PARVA: variants seen among roughly 807,000 people sequenced by gnomAD.
PARVA encodes parvin alpha.
Under a neutral mutation model 52.6 loss-of-function variants are expected in PARVA, and 25 were observed. The ratio of observed to expected loss-of-function variants is 0.48; its 90% CI spans 0.35 to 0.66. PARVA has a LOEUF of 0.66. Among genes scored for constraint, PARVA ranks in the 30% least tolerant of loss-of-function variants. PARVA has a pLI of 0.01. For synonymous variants in PARVA, 185 were observed against 179.1 expected, an observed-to-expected ratio of 1.03 and a Z score of -0.26; for missense variants, 373 against 450.9, an observed-to-expected ratio of 0.83 and a Z score of 1.56.
chr11:12,496,445 T>G lies in PARVA; in HGVS notation c.401-13T>G, dbSNP rs1182192816. The G allele has an allele frequency of 6.2e-7, 1 of 1,603,686 alleles. No homozygotes were observed. Among genetic ancestry groups the G allele is most frequent in the African/African-American group, 1.3e-5 (1 of 74,752 alleles). On this transcript the variant is annotated splice_polypyrimidine_tract_variant and intron_variant, in intron 4 of 12. Transcript: ENST00000334956. ...AGCATAACAGCTGTTCTCTTTTCCC[T>G]TGTCACCCTCAGAGAAACTGGAGAG...
chr11:12,442,954 CG>C (rs1940488863), intron 1 of PARVA, among the ~76,000 whole-genome samples: 1 of 144,592 alleles, frequency 6.9e-6, no homozygotes, highest in South Asian at 2.3e-4. Flanking sequence ...TTCCGCCTCC[CG>C]GGTTCACGCC....
intron 4 of PARVA, among the ~76,000 whole-genome samples, chr11:12,484,345 A>G (rs1265941523): frequency 1.3e-5 from 2 of 152,218 alleles, no homozygotes; most frequent in Non-Finnish European, 2.9e-5. Flanking sequence ...TGCTGGGAAC[A>G]GAAAAGGCCT....
At chr11:12,422,529 A>G (rs1209530113) in intron 1 of PARVA, among the ~76,000 whole-genome samples, 1 of 152,186 alleles carries the variant, frequency 6.6e-6, no homozygotes, top group East Asian at 1.9e-4. Flanking sequence ...ATTGTGTTCA[A>G]GTAGGTAAAC....
intron 12 of PARVA, among the ~76,000 whole-genome samples, chr11:12,521,258 G>A (rs1941632930): frequency 6.6e-6 from 1 of 152,152 alleles, no homozygotes; most frequent in African/African-American, 2.4e-5. Context: ...CTTCATTTGG[G>A]GAAGACTTGG....
At chr11:12,497,767 T>C (rs979712567) in intron 5 of PARVA, among the ~76,000 whole-genome samples, 5 of 152,130 alleles carry the variant, frequency 3.3e-5, no homozygotes, top group African/African-American at 9.7e-5. Flanking sequence ...AATGCTAGTA[T>C]TGTCAATGGG....
At chr11:12,434,061 A>G (rs1026143079) in intron 1 of PARVA, among the ~76,000 whole-genome samples, 5 of 152,210 alleles carry the variant, frequency 3.3e-5, no homozygotes, top group Admixed American at 2.0e-4. Flanking sequence ...CTCAGGTCTG[A>G]GCACCGCGAG....
chr11:12,513,233 C>T (rs1471336031), intron 8 of PARVA, 66 bp from the exon 9 acceptor site: 5 of 1,447,872 alleles, frequency 3.5e-6, no homozygotes, highest in African/African-American at 2.8e-5. Context: ...GGCTCTGGGA[C>T]CCAAGGTGGG....
At chr11:12,376,501 C>G (rs1939389913), upstream of PARVA, among the ~76,000 whole-genome samples, 1 of 152,206 alleles carries the variant, frequency 6.6e-6, no homozygotes. Flanking sequence ...TCATCAGTCA[C>G]GAGCACAACT....
At position 12,535,179 on chromosome 11, in the gene PARVA, G is replaced by T. The variant is rs1941819317; in HGVS notation, c.*7254G>T. On this transcript the variant is annotated 3_prime_UTR_variant, in exon 13 of 13. Coordinates refer to ENST00000334956, the MANE Select transcript of PARVA (RefSeq NM_018222.5). ...TGTCCTCCTAGGCTGCATTGGAATT[G>T]TGTGTTGTCTAGACCCATGGCCAAG... 6.6e-6 allele frequency among the ~76,000 whole-genome samples: 1 copy of T among 152,222 alleles called. No homozygotes were observed. Among genetic ancestry groups the T allele is most frequent in the Non-Finnish European group, 1.5e-5 (1 of 68,046 alleles).
intron 1 of PARVA, among the ~76,000 whole-genome samples, chr11:12,430,545 G>C (rs746716751): frequency 3.9e-5 from 6 of 152,020 alleles, no homozygotes; most frequent in African/African-American, 7.2e-5. Flanking sequence ...CCCACACACA[G>C]AGGCTCCTTT....
chr11:12,457,683 A>G (rs1940716889), intron 1 of PARVA, among the ~76,000 whole-genome samples: 1 of 152,246 alleles, frequency 6.6e-6, no homozygotes, highest in Non-Finnish European at 1.5e-5. Flanking sequence ...TCATCCATTC[A>G]GTAAATATGT....
intron 1 of PARVA, among the ~76,000 whole-genome samples, chr11:12,421,873 G>A (rs1165436699): frequency 6.6e-6 from 1 of 152,196 alleles, no homozygotes; most frequent in Non-Finnish European, 1.5e-5. Context: ...GTTAAACTAA[G>A]TTCTAGAAAT....
chr11:12,484,207 A>G (rs975731951), intron 4 of PARVA, among the ~76,000 whole-genome samples: 5 of 152,180 alleles, frequency 3.3e-5, no homozygotes, highest in African/African-American at 1.2e-4. Context: ...ATACAACATA[A>G]TTCATCACTT....
chr11:12,473,366 A>C (rs1940959081), intron 1 of PARVA, among the ~76,000 whole-genome samples: 1 of 152,166 alleles, frequency 6.6e-6, no homozygotes, highest in Non-Finnish European at 1.5e-5. Flanking sequence ...CTGTCAGCAC[A>C]CAGTCGCCGG....
intron 1 of PARVA, among the ~76,000 whole-genome samples, chr11:12,457,682 C>A (rs1940716855): frequency 1.3e-5 from 2 of 152,232 alleles, no homozygotes; most frequent in African/African-American, 4.8e-5. Flanking sequence ...CTCATCCATT[C>A]AGTAAATATG....
chr11:12,490,953 C>A (rs1251787020), intron 4 of PARVA, among the ~76,000 whole-genome samples: 2 of 151,856 alleles, frequency 1.3e-5, no homozygotes, highest in Non-Finnish European at 2.9e-5. Context: ...GAGTATATAA[C>A]CTCCCTACTA....
intron 4 of PARVA, among the ~76,000 whole-genome samples, chr11:12,493,082 G>T (rs1047860064): frequency 2.0e-5 from 3 of 152,144 alleles, no homozygotes; most frequent in Admixed American, 2.0e-4. Flanking sequence ...AAGGCTGAGT[G>T]TGGTGGCTCA....
chr11:12,464,125 T>C (rs927169922), intron 1 of PARVA, among the ~76,000 whole-genome samples: 3 of 152,150 alleles, frequency 2.0e-5, no homozygotes, highest in Admixed American at 1.3e-4. Context: ...ACATCTGGGC[T>C]CTATGTACAT....
chr11:12,474,743 A>G (rs1940985052), intron 3 of PARVA, among the ~76,000 whole-genome samples: 1 of 152,002 alleles, frequency 6.6e-6, no homozygotes. Flanking sequence ...CATCTCTACT[A>G]AAAATACAAA....
Sources: allele counts gnomAD v4.1 joint callset (sites outside exome capture counted in the v4.1 genomes callset), GRCh38; gene constraint gnomAD v4.1.1; transcripts MANE v1.5; gene names NCBI Gene and HGNC (gene_info 2026-07-23, HGNC 2026-07-21).